TRAPPC9: variants seen among roughly 807,000 people sequenced by gnomAD.
TRAPPC9 encodes the protein IKK2 binding protein.
A neutral mutation model predicts 124.0 loss-of-function variants in TRAPPC9; 83 were observed. The observed-to-expected ratio is 0.67, with a 90% CI of 0.56 to 0.80. The LOEUF (loss-of-function observed/expected upper bound fraction) is 0.80, where lower values mean the gene tolerates loss of function less well. TRAPPC9 is among the 30% of genes least tolerant of loss of function. The probability of loss-of-function intolerance (pLI) is 0.00; values close to 1 mark genes in which losing one functional copy is unlikely to be tolerated. For missense variants in TRAPPC9, 1,302 were observed against 1,508.3 expected (o/e 0.86, Z 2.27); for synonymous variants, 638 against 617.5 (o/e 1.03, Z -0.49).
intron 10 of TRAPPC9, among the ~76,000 whole-genome samples, chr8:140,309,885 TC>T (rs1238190669): frequency 6.6e-6 from 1 of 152,212 alleles, no homozygotes; most frequent in African/African-American, 2.4e-5. Flanking sequence ...CAGCACCTTC[TC>T]AGGCCACAGC....
At chr8:139,739,556 C>A (rs1339113547) in intron 21 of TRAPPC9, among the ~76,000 whole-genome samples, 1 of 152,236 alleles carries the variant, frequency 6.6e-6, no homozygotes, top group Admixed American at 6.5e-5. Context: ...TCCAGCACAT[C>A]CTTCCTGTCC....
At chr8:139,889,633 G>A (rs764461095) in intron 20 of TRAPPC9, among the ~76,000 whole-genome samples, 31 of 152,190 alleles carry the variant, frequency 2.0e-4, no homozygotes, top group Non-Finnish European at 2.6e-4. Context: ...GCACAGTTAC[G>A]AAGGTAGATT....
chr8:140,222,540 G>C (rs572026126), intron 16 of TRAPPC9, among the ~76,000 whole-genome samples: 1 of 152,004 alleles, frequency 6.6e-6, no homozygotes, highest in Non-Finnish European at 1.5e-5. Context: ...CACACAGCTC[G>C]CAGAGTCTCC....
chr8:140,001,993 C>T (rs1838429322), intron 18 of TRAPPC9, among the ~76,000 whole-genome samples: 2 of 152,064 alleles, frequency 1.3e-5, no homozygotes, highest in South Asian at 4.1e-4. Flanking sequence ...AATCTCTATG[C>T]CCAGATGGTT....
intron 17 of TRAPPC9, among the ~76,000 whole-genome samples, chr8:140,103,669 A>G (rs2060618825): frequency 6.6e-6 from 1 of 152,254 alleles, no homozygotes; most frequent in African/African-American, 2.4e-5. Context: ...AGTTGATACC[A>G]TATTACTAAT....
chr8:140,056,971 TTAAC>T (rs1842322406), intron 17 of TRAPPC9, among the ~76,000 whole-genome samples: 2 of 152,192 alleles, frequency 1.3e-5, no homozygotes, highest in South Asian at 4.1e-4. Flanking sequence ...ACTACTGTAG[TTAAC>T]TAAATAATAA....
chr8:140,317,757 A>G (rs771441653), intron 9 of TRAPPC9, among the ~76,000 whole-genome samples: 16 of 152,242 alleles, frequency 1.1e-4, no homozygotes, highest in Non-Finnish European at 2.4e-4. Flanking sequence ...CAAATATTGT[A>G]CTATGTTCTT....
intron 17 of TRAPPC9, among the ~76,000 whole-genome samples, chr8:140,068,241 G>T (rs1189444750): frequency 6.6e-6 from 1 of 152,106 alleles, no homozygotes; most frequent in Non-Finnish European, 1.5e-5. Flanking sequence ...TGACATTGAG[G>T]CATTTAAGAA....
At chr8:140,080,954 G>A (rs1228135975) in intron 17 of TRAPPC9, among the ~76,000 whole-genome samples, 2 of 152,214 alleles carry the variant, frequency 1.3e-5, no homozygotes, top group Non-Finnish European at 1.5e-5. Context: ...GAAGGATGGT[G>A]AGGAAGGTGT....
At chr8:140,059,350 T>C (rs1842461039) in intron 17 of TRAPPC9, among the ~76,000 whole-genome samples, 1 of 152,246 alleles carries the variant, frequency 6.6e-6, no homozygotes, top group Admixed American at 6.5e-5. Context: ...TTGATTTATA[T>C]ATAGTTGGCT....
Position 140,023,920 on chromosome 8 carries a change from G to A in TRAPPC9, c.2699+17C>T, listed in dbSNP as rs200805552. On this transcript the variant is annotated intron_variant, in intron 18 of 22. Transcript: ENST00000438773. ...AGACTCTAGAACAAGACGGCTGTGC[G>A]GCAGGAAGACATTTACCTGGTTGCT... 6.8e-5 allele frequency: 109 copies of A among 1,613,858 alleles called. No individual in the cohort carries two copies. Among genetic ancestry groups the A allele is most frequent in the African/African-American group, 4.7e-4 (35 of 75,006 alleles).
At chr8:140,376,934 CAG>C (rs1175136359) in intron 7 of TRAPPC9, among the ~76,000 whole-genome samples, 3 of 149,790 alleles carry the variant, frequency 2.0e-5, no homozygotes, top group Admixed American at 6.7e-5. Flanking sequence ...ATGGCTGAAA[CAG>C]GGATGCTGTG....
intron 21 of TRAPPC9, among the ~76,000 whole-genome samples, chr8:139,765,391 C>T (rs903917308): frequency 4.6e-5 from 7 of 152,318 alleles, no homozygotes; most frequent in East Asian, 1.9e-4. Context: ...TGTGGGTTTG[C>T]GTTTTCCTAG....
chr8:140,376,941 G>A (rs1254207764), intron 7 of TRAPPC9, among the ~76,000 whole-genome samples: 1 of 151,706 alleles, frequency 6.6e-6, no homozygotes, highest in Non-Finnish European at 1.5e-5. Context: ...AAACAGGGAT[G>A]CTGTGCCCTA....
intron 6 of TRAPPC9, among the ~76,000 whole-genome samples, chr8:140,398,794 C>T (rs988100286): frequency 3.9e-5 from 6 of 152,230 alleles, no homozygotes; most frequent in African/African-American, 1.4e-4. Flanking sequence ...TTCAAGCCAA[C>T]TGTGGTAATT....
At chr8:139,847,557 C>G (rs1043387439) in intron 21 of TRAPPC9, among the ~76,000 whole-genome samples, 16 of 151,954 alleles carry the variant, frequency 1.1e-4, no homozygotes, top group Non-Finnish European at 1.9e-4. Flanking sequence ...GCACGAGCAC[C>G]TGTCCCCTGG....
intron 17 of TRAPPC9, among the ~76,000 whole-genome samples, chr8:140,164,122 G>A (rs2130905970): frequency 6.6e-6 from 1 of 152,266 alleles, no homozygotes; most frequent in African/African-American, 2.4e-5. Flanking sequence ...ACCCCCACAA[G>A]CCAGGGCGGC....
intron 21 of TRAPPC9, among the ~76,000 whole-genome samples, chr8:139,767,210 C>T (rs186150970): frequency 1.5e-4 from 23 of 152,312 alleles, no homozygotes; most frequent in South Asian, 4.1e-4. Flanking sequence ...CTCTGAGAGG[C>T]GTAGGGACTA....
chr8:139,812,064 G>A (rs922436905), intron 21 of TRAPPC9, among the ~76,000 whole-genome samples: 3 of 152,204 alleles, frequency 2.0e-5, no homozygotes, highest in Non-Finnish European at 4.4e-5. Context: ...ACATGAGAAC[G>A]CTGGAGAGAT....
Sources: allele counts gnomAD v4.1 joint callset (sites outside exome capture counted in the v4.1 genomes callset), GRCh38; gene constraint gnomAD v4.1.1; transcripts MANE v1.5; gene names NCBI Gene and HGNC (gene_info 2026-07-23, HGNC 2026-07-21).